The following TMEM260 variants were observed in gnomAD, a reference collection of about 807,000 sequenced individuals.
The protein encoded by TMEM260 is protein O-mannosyl-transferase TMEM260.
A neutral mutation model predicts 88.9 loss-of-function variants in TMEM260; 82 were observed. The ratio of observed to expected loss-of-function variants is 0.92; its 90% CI spans 0.77 to 1.11. TMEM260 has a LOEUF of 1.11. TMEM260 is among the 50% of genes least tolerant of loss of function. The pLI, the probability that TMEM260 is intolerant of heterozygous loss-of-function variation, is 0.00. For synonymous variants in TMEM260, 314 were observed against 309.3 expected, an observed-to-expected ratio of 1.02 and a Z score of -0.16; for missense variants, 902 against 853.4, an observed-to-expected ratio of 1.06 and a Z score of -0.71.
intron 6 of TMEM260, 22 bp downstream of exon 6, chr14:56,609,307 T>A: frequency 1.2e-6 from 2 of 1,604,160 alleles, no homozygotes; most frequent in Non-Finnish European, 1.7e-6. Flanking sequence ...TTTAAAGCCC[T>A]TCTAAGGAAA....
At chr14:56,607,509 A>G (rs1392185283) in intron 5 of TMEM260, among the ~76,000 whole-genome samples, 2 of 152,180 alleles carry the variant, frequency 1.3e-5, no homozygotes, top group Non-Finnish European at 2.9e-5. Context: ...GGGTAGTTGG[A>G]TCTCACTGGG....
intron 9 of TMEM260, among the ~76,000 whole-genome samples, chr14:56,617,811 G>A (rs1887680634): frequency 6.6e-6 from 1 of 152,188 alleles, no homozygotes; most frequent in African/African-American, 2.4e-5. Context: ...GTCTGCGTAT[G>A]TGTGTGTTCA....
intron 10 of TMEM260, among the ~76,000 whole-genome samples, chr14:56,620,358 C>T (rs1211080672): frequency 6.6e-6 from 1 of 152,050 alleles, no homozygotes; most frequent in Non-Finnish European, 1.5e-5. Flanking sequence ...TTAGGAAGGC[C>T]ACCAGGAGGC....
intron 12 of TMEM260, among the ~76,000 whole-genome samples, chr14:56,631,680 C>G (rs1888614581): frequency 2.0e-5 from 3 of 151,686 alleles, no homozygotes; most frequent in African/African-American, 7.3e-5. Flanking sequence ...TGCATGCTCA[C>G]TTGTGTTATT....
intron 14 of TMEM260, 113 bp from the exon 15 acceptor site, chr14:56,636,395 C>G: frequency 1.3e-6 from 1 of 784,634 alleles, no homozygotes; most frequent in Non-Finnish European, 2.1e-6. Context: ...GAAAATAATA[C>G]AATAAAGGAT....
chr14:56,649,856 T>C (rs913078550), downstream of TMEM260, among the ~76,000 whole-genome samples: 1 of 152,216 alleles, frequency 6.6e-6, no homozygotes, highest in African/African-American at 2.4e-5. Flanking sequence ...CACTCTCTCT[T>C]TGAGAAACCA....
At chr14:56,634,984 T>C in intron 14 of TMEM260, 32 bp downstream of exon 14, 1 of 1,589,550 alleles carries the variant, frequency 6.3e-7, no homozygotes, top group African/African-American at 1.3e-5. Context: ...GTGTGCAGTC[T>C]ATTTTTAATA....
At chr14:56,584,769 G>A (rs1195148078) in intron 1 of TMEM260, among the ~76,000 whole-genome samples, 1 of 152,116 alleles carries the variant, frequency 6.6e-6, no homozygotes, top group African/African-American at 2.4e-5. Flanking sequence ...AGACCAGAAT[G>A]TACCTATATT....
chr14:56,618,496 C>G, intron 9 of TMEM260, 98 bp from the exon 10 acceptor site: 1 of 1,126,170 alleles, frequency 8.9e-7, no homozygotes, highest in Non-Finnish European at 1.3e-6. Context: ...CAGGCACACA[C>G]AACTAGGTGC....
chr14:56,616,959 A>AT (rs1261610081), intron 8 of TMEM260, among the ~76,000 whole-genome samples: 3 of 152,096 alleles, frequency 2.0e-5, no homozygotes, highest in African/African-American at 7.2e-5. Flanking sequence ...TCTTCTGTGA[A>AT]TGTTAGCTTT....
Position 56,596,979 on chromosome 14 carries a change from T to A in TMEM260, c.345-6836T>A, listed in dbSNP as rs10148696. On this transcript the variant is annotated intron_variant, in intron 3 of 15. Transcript: ENST00000261556. ...ATTTATATTCCTCTGGGTCTTTTTT[T>A]AATAAATATAGAAAGATCTATTTCA... 7.0e-3 allele frequency among the ~76,000 whole-genome samples: 1,070 copies of A among 152,130 alleles called. 19 individuals carry two copies. The highest frequency in any genetic ancestry group is 0.025 in the African/African-American group (1,021 of 41,494).
intron 15 of TMEM260, among the ~76,000 whole-genome samples, chr14:56,639,759 C>A (rs1889424534): frequency 6.6e-6 from 1 of 152,178 alleles, no homozygotes; most frequent in African/African-American, 2.4e-5. Flanking sequence ...ACAGACAGCA[C>A]CTGGAAAATC....
intron 10 of TMEM260, 129 bp downstream of exon 10, chr14:56,618,892 G>A (rs1887745754): frequency 1.1e-6 from 1 of 877,022 alleles, no homozygotes; most frequent in Non-Finnish European, 1.7e-6. Context: ...TTGGTTGAAT[G>A]CAGTAGTTCT....
At chr14:56,635,766 TG>T (rs1336968118) in intron 14 of TMEM260, among the ~76,000 whole-genome samples, 1 of 152,192 alleles carries the variant, frequency 6.6e-6, no homozygotes, top group Non-Finnish European at 1.5e-5. Flanking sequence ...AGAACAGTTA[TG>T]ATATAAAGAG....
At chr14:56,579,698 C>G, upstream of TMEM260, 1 of 398,260 alleles carries the variant, frequency 2.5e-6, no homozygotes, top group African/African-American at 2.1e-5. Flanking sequence ...ATGCGTGGTG[C>G]ACTGCGGGAA....
chr14:56,661,838 G>A, the TMEM260 span, among the ~76,000 whole-genome samples: 10 of 152,264 alleles, frequency 6.6e-5, no homozygotes, highest in Admixed American at 2.6e-4. Flanking sequence ...GCCTTCTCCC[G>A]TCCACACATG....
downstream of TMEM260, among the ~76,000 whole-genome samples, chr14:56,654,160 G>A (rs751183317): frequency 5.3e-5 from 8 of 151,996 alleles, no homozygotes; most frequent in African/African-American, 1.2e-4. Context: ...CCTTTTAGAC[G>A]TGGATAGTTA....
intron 6 of TMEM260, among the ~76,000 whole-genome samples, chr14:56,611,677 C>G (rs546473153): frequency 6.6e-6 from 1 of 152,196 alleles, no homozygotes; most frequent in Non-Finnish European, 1.5e-5. Flanking sequence ...ACCCAGCAAT[C>G]CCATTATTGG....
intron 11 of TMEM260, among the ~76,000 whole-genome samples, chr14:56,623,977 G>A (rs1422538271): frequency 2.0e-5 from 3 of 152,166 alleles, no homozygotes; most frequent in Non-Finnish European, 4.4e-5. Flanking sequence ...TATGTGTTAA[G>A]TATAGAATTA....
Sources: gnomAD v4.1 joint callset for allele counts (sites outside exome capture counted in the v4.1 genomes callset) on GRCh38, gnomAD v4.1.1 for gene constraint, MANE v1.5 for transcripts, NCBI Gene and HGNC (gene_info 2026-07-23, HGNC 2026-07-21) for gene names.